Variants in ZEB1 observed in about 807,000 individuals in gnomAD.
ZEB1 encodes zinc finger E-box binding homeobox 1, also known as zinc finger E-box-binding homeobox 1.
Under a neutral mutation model 84.9 loss-of-function variants are expected in ZEB1, and 21 were observed. The observed-to-expected ratio is 0.25, with a 90% CI of 0.18 to 0.36. The LOEUF (loss-of-function observed/expected upper bound fraction) is 0.36, where lower values mean the gene tolerates loss of function less well. Among genes scored for constraint, ZEB1 ranks in the 10% least tolerant of loss-of-function variants. The pLI is 1.00. For synonymous variants in ZEB1, 420 were observed against 471.1 expected (o/e 0.89, Z 1.41); for missense variants, 1,104 against 1,330.2 (o/e 0.83, Z 2.65).
chr10:31,527,915 G>A lies in ZEB1; in HGVS notation c.*651G>A, dbSNP rs2073776062. On this transcript the variant is annotated 3_prime_UTR_variant, in exon 9 of 9. Transcript: ENST00000424869. ...ATTTAAAGTGTATTGTTAGCCTTAA[G>A]AAAGCAGCTGATAGAAGAACTGAAG... The A allele has an allele frequency of 6.6e-6, 1 of 152,370 alleles. No individual in the cohort carries two copies. The highest frequency in any genetic ancestry group is 6.6e-5 in the Admixed American group (1 of 15,264). The allele number at this position is 152,370 out of a possible 1,614,324, so 9.4% of individuals were successfully genotyped here.
chr10:31,493,091 G>A (rs150451258), intron 2 of ZEB1, among the ~76,000 whole-genome samples: 130 of 151,876 alleles, frequency 8.6e-4, no homozygotes, highest in Middle Eastern at 3.4e-3. Flanking sequence ...ACAGGCTCTC[G>A]TTTCCCATTA....
chr10:31,502,901 CAG>C (rs2068364472), intron 4 of ZEB1, among the ~76,000 whole-genome samples: 1 of 152,052 alleles, frequency 6.6e-6, no homozygotes. Context: ...AATTTGGAAA[CAG>C]TGGTTTTCCT....
chr10:31,510,326 C>T (rs992800365), intron 4 of ZEB1, among the ~76,000 whole-genome samples: 3 of 152,158 alleles, frequency 2.0e-5, no homozygotes, highest in Admixed American at 6.5e-5. Flanking sequence ...ACAAAGACAA[C>T]CTACATTCTA....
chr10:31,424,382 A>G (rs2056656429), intron 1 of ZEB1, among the ~76,000 whole-genome samples: 1 of 151,994 alleles, frequency 6.6e-6, no homozygotes, highest in Admixed American at 6.6e-5. Context: ...TGGGGATGAT[A>G]TTTTATTTAA....
chr10:31,372,184 G>C (rs1169701601), intron 1 of ZEB1, among the ~76,000 whole-genome samples: 1 of 151,960 alleles, frequency 6.6e-6, no homozygotes, highest in Non-Finnish European at 1.5e-5. Context: ...ATAAGGACGT[G>C]TTTTTCTTTC....
chr10:31,442,942 T>C (rs1036212321), intron 1 of ZEB1, among the ~76,000 whole-genome samples: 2 of 152,072 alleles, frequency 1.3e-5, no homozygotes, highest in African/African-American at 4.8e-5. Context: ...TAGAGACACA[T>C]GTAGGCAACT....
At chr10:31,510,580 C>A in intron 4 of ZEB1, 93 bp from the exon 5 acceptor site, 1 of 998,778 alleles carries the variant, frequency 1.0e-6, no homozygotes, top group Non-Finnish European at 1.5e-6. Context: ...GTGGGTAGCA[C>A]AATATCTGGA....
At chr10:31,525,517 TC>T (rs1194259369) in intron 8 of ZEB1, among the ~76,000 whole-genome samples, 1 of 152,134 alleles carries the variant, frequency 6.6e-6, no homozygotes, top group Non-Finnish European at 1.5e-5. Context: ...TCCAGCACAC[TC>T]CTGTGTCTCT....
intron 2 of ZEB1, among the ~76,000 whole-genome samples, chr10:31,464,405 A>G (rs2062148118): frequency 6.6e-6 from 1 of 152,118 alleles, no homozygotes; most frequent in South Asian, 2.1e-4. Context: ...ATACATGAAG[A>G]TTCAATACAT....
intron 1 of ZEB1, among the ~76,000 whole-genome samples, chr10:31,392,701 T>C (rs1260500961): frequency 6.6e-6 from 1 of 151,864 alleles, no homozygotes; most frequent in Non-Finnish European, 1.5e-5. Flanking sequence ...TAAAAAGAAA[T>C]ATAGAGGATG....
intron 2 of ZEB1, among the ~76,000 whole-genome samples, chr10:31,467,594 C>T (rs1564985200): frequency 6.6e-6 from 1 of 152,178 alleles, no homozygotes; most frequent in Non-Finnish European, 1.5e-5. Context: ...ACACTTTACT[C>T]CTCCTATCAC....
chr10:31,489,831 A>T (rs1232031947), intron 2 of ZEB1, among the ~76,000 whole-genome samples: 2 of 151,326 alleles, frequency 1.3e-5, no homozygotes, highest in African/African-American at 2.4e-5. Context: ...CCGACATTCC[A>T]AGTGTCCCTC....
intron 1 of ZEB1, among the ~76,000 whole-genome samples, chr10:31,401,315 C>T (rs1353771394): frequency 6.6e-6 from 1 of 152,176 alleles, no homozygotes; most frequent in Non-Finnish European, 1.5e-5. Context: ...ACAAGTGACA[C>T]TTTTTACCTT....
At chr10:31,390,750 C>G (rs553701896) in intron 1 of ZEB1, among the ~76,000 whole-genome samples, 1 of 152,164 alleles carries the variant, frequency 6.6e-6, no homozygotes, top group African/African-American at 2.4e-5. Context: ...TACTTCGTTA[C>G]AAGTATTTAA....
At chr10:31,413,092 G>A (rs542282158) in intron 1 of ZEB1, among the ~76,000 whole-genome samples, 32 of 152,184 alleles carry the variant, frequency 2.1e-4, no homozygotes, top group African/African-American at 7.7e-4. Context: ...TGGAAAATCA[G>A]CATTAGAAGC....
At position 31,403,511 on chromosome 10, in the gene ZEB1, TAG is replaced by T. The variant is rs142519314; in HGVS notation, c.59-57523_59-57522del. On this transcript the variant is annotated intron_variant, in intron 1 of 8. Transcript: ENST00000424869. ...ACTAAAGAATTATTTTAAAAATATT[TAG>T]AGTGTCAACATATTCAATTCTTAGA... is the stretch of plus-strand genomic sequence containing the variant. 8.8e-3 allele frequency among the ~76,000 whole-genome samples: 1,332 copies of T among 152,182 alleles called. 20 individuals are homozygous for T. Among genetic ancestry groups the T allele is most frequent in the African/African-American group, 0.031 (1,275 of 41,568 alleles).
chr10:31,323,964 CGTGTGTGTGTGTGTGTGT>C (rs3057772), intron 1 of ZEB1, among the ~76,000 whole-genome samples: 1 of 146,288 alleles, frequency 6.8e-6, no homozygotes, highest in Non-Finnish European at 1.5e-5. Context: ...CATGGTTCTT[CGTGTGTGTGTGTGTGTGT>C]GTGTGTGTGT....
intron 1 of ZEB1, among the ~76,000 whole-genome samples, chr10:31,352,244 A>G (rs949925267): frequency 1.3e-5 from 2 of 152,196 alleles, no homozygotes; most frequent in African/African-American, 4.8e-5. Flanking sequence ...TGTGATTTTA[A>G]GTGCTGAACC....
intron 2 of ZEB1, among the ~76,000 whole-genome samples, chr10:31,463,769 G>A (rs1254334471): frequency 1.3e-5 from 2 of 152,120 alleles, no homozygotes; most frequent in African/African-American, 4.8e-5. Flanking sequence ...AGTTTAAAGT[G>A]GAACTGCTAC....
Sources: gnomAD v4.1 joint callset for allele counts (sites outside exome capture counted in the v4.1 genomes callset) on GRCh38, gnomAD v4.1.1 for gene constraint, MANE v1.5 for transcripts, NCBI Gene and HGNC (gene_info 2026-07-23, HGNC 2026-07-21) for gene names.